Variants in PXDNL observed in about 807,000 individuals in gnomAD.
The protein encoded by PXDNL is peroxidasin like, also known as probable oxidoreductase PXDNL.
PXDNL carries 145 observed loss-of-function variants against 150.8 expected under a neutral mutation model. That is an observed-to-expected ratio of 0.96 (90% CI 0.84 to 1.10). PXDNL has a LOEUF of 1.10. Among genes scored for constraint, PXDNL ranks in the 50% least tolerant of loss-of-function variants. PXDNL has a pLI of 0.00. For synonymous variants in PXDNL, 757 were observed against 725.7 expected (o/e 1.04, Z -0.69); for missense variants, 2,087 against 1,873.9 (o/e 1.11, Z -2.10).
At chr8:51,438,143 A>T (rs1258694955) in intron 12 of PXDNL, among the ~76,000 whole-genome samples, 1 of 152,184 alleles carries the variant, frequency 6.6e-6, no homozygotes, top group Non-Finnish European at 1.5e-5. Flanking sequence ...AAACTTCAAA[A>T]CACTGCTGAA....
At chr8:51,782,448 C>A (rs1358826373) in intron 1 of PXDNL, among the ~76,000 whole-genome samples, 2 of 152,150 alleles carry the variant, frequency 1.3e-5, no homozygotes, top group African/African-American at 4.8e-5. Flanking sequence ...CTAATCACAG[C>A]CTTTGGAAGG....
chr8:51,381,684 C>T (rs1807552462), intron 17 of PXDNL, among the ~76,000 whole-genome samples: 1 of 151,250 alleles, frequency 6.6e-6, no homozygotes, highest in Non-Finnish European at 1.5e-5. Flanking sequence ...GACAGAGTCT[C>T]ACTCTGTCGC....
rs188451676 is a variant in PXDNL at position 51,797,475 on chromosome 8, G to A, written c.164+11706C>T. Among the ~76,000 whole-genome samples, 791 of 152,316 alleles carry A rather than the reference G, an allele frequency of 5.2e-3. 1 individual carries two copies. The highest frequency in any genetic ancestry group is 0.02 in the Middle Eastern group (6 of 294). ...TAAGCTGATAAGCCCCTTTGGCAAAGTCTCAGGATACAAAGTCAATGTGCA... is the reference window on the plus strand; with the variant it reads ...TAAGCTGATAAGCCCCTTTGGCAAAATCTCAGGATACAAAGTCAATGTGCA... On this transcript the variant is annotated intron_variant, in intron 1 of 22. Coordinates refer to ENST00000356297, the MANE Select transcript of PXDNL (RefSeq NM_144651.5).
At chr8:51,757,846 GC>G (rs753796734) in intron 1 of PXDNL, among the ~76,000 whole-genome samples, 21 of 152,002 alleles carry the variant, frequency 1.4e-4, no homozygotes, top group Non-Finnish European at 2.5e-4. Flanking sequence ...CCTTTTCTGA[GC>G]TCTATTTTTG....
intron 17 of PXDNL, among the ~76,000 whole-genome samples, chr8:51,406,286 C>G (rs776594957): frequency 6.6e-5 from 10 of 152,216 alleles, no homozygotes; most frequent in Non-Finnish European, 1.5e-4. Flanking sequence ...ATTTAAAATT[C>G]TGATAGGATT....
chr8:51,646,417 C>T (rs6981117), intron 2 of PXDNL, among the ~76,000 whole-genome samples: 101,853 of 151,528 alleles, frequency 0.67, 34,904 homozygotes, highest in Non-Finnish European at 0.74. Flanking sequence ...CCGTAGCCAG[C>T]TAATACAAGT....
At chr8:51,447,197 C>G in intron 11 of PXDNL, 35 bp from the exon 12 acceptor site, 1 of 1,599,910 alleles carries the variant, frequency 6.3e-7, no homozygotes, top group Non-Finnish European at 8.5e-7. Flanking sequence ...TTCTTCATGG[C>G]CCAGAGCACT....
chr8:51,576,703 A>C (rs1813062590), intron 3 of PXDNL, among the ~76,000 whole-genome samples: 3 of 151,876 alleles, frequency 2.0e-5, no homozygotes, highest in African/African-American at 7.2e-5. Flanking sequence ...AAACAACAGA[A>C]AATCAGAGAA....
At chr8:51,368,547 GA>G (rs1207396911) in intron 19 of PXDNL, among the ~76,000 whole-genome samples, 2 of 152,034 alleles carry the variant, frequency 1.3e-5, no homozygotes, top group African/African-American at 4.8e-5. Context: ...TAGCCCTGTT[GA>G]AAATAAAATT....
chr8:51,768,986 C>T (rs2037261428), intron 1 of PXDNL, among the ~76,000 whole-genome samples: 1 of 152,174 alleles, frequency 6.6e-6, no homozygotes, highest in Admixed American at 6.5e-5. Context: ...CCTGTAGTCC[C>T]AGCTACTCAG....
intron 1 of PXDNL, among the ~76,000 whole-genome samples, chr8:51,663,615 G>A (rs899961422): frequency 6.6e-6 from 1 of 152,144 alleles, no homozygotes; most frequent in Non-Finnish European, 1.5e-5. Flanking sequence ...CGGTTTTGAC[G>A]GTGGTATCCC....
At chr8:51,520,474 G>T (rs958887726) in intron 4 of PXDNL, among the ~76,000 whole-genome samples, 1 of 152,014 alleles carries the variant, frequency 6.6e-6, no homozygotes, top group African/African-American at 2.4e-5. Flanking sequence ...CCACACCCTG[G>T]AGACATAGGC....
intron 1 of PXDNL, among the ~76,000 whole-genome samples, chr8:51,724,619 C>T (rs917933137): frequency 2.0e-5 from 3 of 152,282 alleles, no homozygotes; most frequent in African/African-American, 7.2e-5. Flanking sequence ...CATAGTTCTC[C>T]TTAGTCCATA....
At chr8:51,499,677 C>A in intron 5 of PXDNL, 22 bp downstream of exon 5, 1 of 1,569,352 alleles carries the variant, frequency 6.4e-7, no homozygotes, top group Non-Finnish European at 8.8e-7. Flanking sequence ...AAGCAAAGGA[C>A]ATCTAAAGGG....
chr8:51,562,680 C>A (rs1040773712), intron 3 of PXDNL, among the ~76,000 whole-genome samples: 1 of 151,898 alleles, frequency 6.6e-6, no homozygotes, highest in Admixed American at 6.6e-5. Context: ...TAATAAAAAT[C>A]AAAATAGTTG....
chr8:51,619,836 G>A (rs747671688), intron 2 of PXDNL, among the ~76,000 whole-genome samples: 8 of 152,052 alleles, frequency 5.3e-5, no homozygotes, highest in African/African-American at 1.4e-4. Context: ...TTCTCACTCC[G>A]TCTGTTAGCA....
At chr8:51,776,286 T>A (rs2037352622) in intron 1 of PXDNL, among the ~76,000 whole-genome samples, 1 of 152,134 alleles carries the variant, frequency 6.6e-6, no homozygotes, top group Non-Finnish European at 1.5e-5. Context: ...AAGCATGTGA[T>A]CTCTGTGACC....
At chr8:51,614,132 A>T (rs1256130558) in intron 2 of PXDNL, among the ~76,000 whole-genome samples, 1 of 152,224 alleles carries the variant, frequency 6.6e-6, no homozygotes, top group Non-Finnish European at 1.5e-5. Context: ...TAACTTTCAG[A>T]ATTATAGAAT....
At chr8:51,544,098 G>T (rs2130493691) in intron 4 of PXDNL, among the ~76,000 whole-genome samples, 1 of 152,342 alleles carries the variant, frequency 6.6e-6, no homozygotes, top group South Asian at 2.1e-4. Context: ...CTAACAGGAT[G>T]TGTATGTAAA....
Sources: allele counts gnomAD v4.1 joint callset (sites outside exome capture counted in the v4.1 genomes callset), GRCh38; gene constraint gnomAD v4.1.1; transcripts MANE v1.5; gene names NCBI Gene and HGNC (gene_info 2026-07-23, HGNC 2026-07-21).